Variants in ZNF431 observed in about 807,000 individuals in gnomAD.
ZNF431 encodes zinc finger protein 431.
In ZNF431, 34 loss-of-function variants were observed where a neutral mutation model predicts 57.0. The observed-to-expected ratio is 0.60, with a 90% CI of 0.45 to 0.79. The LOEUF (loss-of-function observed/expected upper bound fraction) is 0.79, where lower values mean the gene tolerates loss of function less well. Among genes scored for constraint, ZNF431 ranks in the 30% least tolerant of loss-of-function variants. The pLI, the probability that ZNF431 is intolerant of heterozygous loss-of-function variation, is 0.00. For synonymous variants in ZNF431, 207 were observed against 220.3 expected (o/e 0.94, Z 0.54); for missense variants, 607 against 667.1 (o/e 0.91, Z 0.99).
intron 2 of ZNF431, among the ~76,000 whole-genome samples, chr19:21,161,943 C>T (rs767583862): frequency 2.6e-5 from 4 of 151,862 alleles, no homozygotes; most frequent in Non-Finnish European, 4.4e-5. Flanking sequence ...CGTGAGCCAC[C>T]GCACCAAGCG....
chr19:21,162,590 C>T (rs1970606007), intron 2 of ZNF431: 1 of 385,640 alleles, frequency 2.6e-6, no homozygotes, highest in Middle Eastern at 1.4e-3. Context: ...ATAGGCATGA[C>T]CACCACACCC....
intron 4 of ZNF431, among the ~76,000 whole-genome samples, chr19:21,176,747 G>C (rs890413496): frequency 6.6e-6 from 1 of 151,698 alleles, no homozygotes; most frequent in African/African-American, 2.4e-5. Context: ...ACCCAGGCTG[G>C]AGTGCAGTGG....
chr19:21,159,326 TTATGATATATA>T (rs1306593876), intron 2 of ZNF431, among the ~76,000 whole-genome samples: 2 of 151,790 alleles, frequency 1.3e-5, no homozygotes, highest in African/African-American at 2.4e-5. Context: ...CTATATAGAA[TTATGATATATA>T]TATATAGTAT....
At position 21,142,063 on chromosome 19, in the gene ZNF431, C is replaced by CT; in HGVS notation, c.-121_-120insT. On this transcript the variant is annotated 5_prime_UTR_variant, in exon 1 of 5. Coordinates refer to ENST00000311048, the MANE Select transcript of ZNF431 (RefSeq NM_133473.4). Reference sequence around the variant, plus strand: ...TTGTCTCTCGCCGCAGCCTGAGCTCCAGGTCTCCCCTTCGCTGCTCTGTGT... The same window carrying CT: ...TTGTCTCTCGCCGCAGCCTGAGCTCCTAGGTCTCCCCTTCGCTGCTCTGTGT... 7.5e-7 allele frequency: 1 copy of CT among 1,340,578 alleles called. No individual in the cohort carries two copies. The highest frequency in any genetic ancestry group is 1.1e-6 in the Non-Finnish European group (1 of 947,164). The allele number at this position is 1,340,578 out of a possible 1,614,324, so 83.0% of individuals were successfully genotyped here. A position where few individuals can be genotyped will look rare whatever the true frequency, so the allele number is the denominator to read the frequency against.
rs775239075 is a variant in ZNF431, at chr19:21,166,468, A to T, written c.223+7A>T. ...AAAAACCTGGTCTTCTTGGGTGAGA[A>T]TAACTTTCATACACAATTCTTAATA... is the stretch of plus-strand genomic sequence containing the variant. On this transcript the variant is annotated splice_region_variant and intron_variant, in intron 3 of 4. Coordinates refer to ENST00000311048, the MANE Select transcript of ZNF431 (RefSeq NM_133473.4). 1 of 1,597,926 alleles carries T rather than the reference A, an allele frequency of 6.3e-7. No homozygotes were observed. Among genetic ancestry groups the T allele is most frequent in the African/African-American group, 1.4e-5 (1 of 73,740 alleles).
chr19:21,165,451 A>T (rs1043644325), intron 2 of ZNF431, among the ~76,000 whole-genome samples: 3 of 152,214 alleles, frequency 2.0e-5, no homozygotes, highest in Admixed American at 6.5e-5. Context: ...TGATTTTTTA[A>T]TGGTTAAATT....
chr19:21,145,348 C>T (rs977083225), intron 2 of ZNF431, among the ~76,000 whole-genome samples: 3 of 152,148 alleles, frequency 2.0e-5, no homozygotes, highest in Non-Finnish European at 2.9e-5. Context: ...TAGTGGTGGG[C>T]GCCTGTAGTC....
chr19:21,159,982 CTTT>C (rs11291342), intron 2 of ZNF431, among the ~76,000 whole-genome samples: 16 of 126,328 alleles, frequency 1.3e-4, no homozygotes, highest in Non-Finnish European at 1.5e-4. Context: ...TTGCCTCAGC[CTTT>C]TTTTTTTTTT....
intron 2 of ZNF431, among the ~76,000 whole-genome samples, chr19:21,157,951 G>T (rs1280698567): frequency 6.6e-6 from 1 of 151,552 alleles, no homozygotes. Flanking sequence ...TAGTGAGTGT[G>T]GTTTGAAGTG....
Position 21,191,913 on chromosome 19 carries a change from C to T in ZNF431, c.*7879C>T, listed in dbSNP as rs1332684055. Reference sequence around the variant, plus strand: ...TTTCTATGAAGTATATCACGTATTTCGATAGAGGTTGCATTATACCTGTAG... The same window carrying T: ...TTTCTATGAAGTATATCACGTATTTTGATAGAGGTTGCATTATACCTGTAG... On this transcript the variant is annotated 3_prime_UTR_variant, in exon 5 of 5. Coordinates refer to ENST00000311048, the MANE Select transcript of ZNF431 (RefSeq NM_133473.4). 4.6e-5 allele frequency: 7 copies of T among 152,060 alleles called. No homozygotes were observed. In the South Asian group the frequency reaches 6.2e-4, roughly 14 times the overall value. 9.4% of individuals were successfully genotyped at this position (152,060 alleles called of 1,614,324 possible). A position where few individuals can be genotyped will look rare whatever the true frequency, so the allele number is the denominator to read the frequency against.
At chr19:21,173,958 T>C (rs1452845232) in intron 4 of ZNF431, among the ~76,000 whole-genome samples, 2 of 148,416 alleles carry the variant, frequency 1.3e-5, no homozygotes, top group Non-Finnish European at 3.0e-5. Context: ...GTTTTTTTTC[T>C]TTTTTTTTTG....
chr19:21,143,724 G>A (rs1289595106), intron 2 of ZNF431, 81 bp downstream of exon 2: 7 of 996,736 alleles, frequency 7.0e-6, no homozygotes, highest in South Asian at 1.4e-5. Context: ...CAGCCAGTCC[G>A]ATGCTGGCAC....
At chr19:21,166,925 C>T (rs899642429) in intron 3 of ZNF431, among the ~76,000 whole-genome samples, 4 of 152,064 alleles carry the variant, frequency 2.6e-5, no homozygotes, top group Non-Finnish European at 4.4e-5. Flanking sequence ...TGCAATGGTG[C>T]GATCTTGGCT....
At chr19:21,163,545 G>A (rs745839409) in intron 2 of ZNF431, among the ~76,000 whole-genome samples, 4 of 152,112 alleles carry the variant, frequency 2.6e-5, no homozygotes, top group East Asian at 1.9e-4. Context: ...TTTTTGAGAC[G>A]GAGTCTCGCT....
At chr19:21,148,692 T>A (rs1336654684) in intron 2 of ZNF431, among the ~76,000 whole-genome samples, 1 of 152,128 alleles carries the variant, frequency 6.6e-6, no homozygotes, top group Non-Finnish European at 1.5e-5. Context: ...TGTAAAACTG[T>A]TTTTTAGTAG....
chr19:21,157,609 G>A (rs1970453227), intron 2 of ZNF431, among the ~76,000 whole-genome samples: 3 of 151,594 alleles, frequency 2.0e-5, no homozygotes, highest in African/African-American at 7.3e-5. Context: ...TTGGCTCACT[G>A]CAACCTCTGC....
intron 2 of ZNF431, among the ~76,000 whole-genome samples, chr19:21,159,582 A>G (rs146361787): frequency 6.6e-6 from 1 of 152,158 alleles, no homozygotes; most frequent in African/African-American, 2.4e-5. Context: ...CATGTTGGCC[A>G]GGATCGTCTT....
At chr19:21,166,731 C>G (rs1203491856) in intron 3 of ZNF431, among the ~76,000 whole-genome samples, 2 of 152,108 alleles carry the variant, frequency 1.3e-5, no homozygotes, top group African/African-American at 4.8e-5. Context: ...TATCACTGCC[C>G]ATATCTTAAA....
At position 21,183,883 on chromosome 19, in the gene ZNF431, T is replaced by A. The variant is rs371361949; in HGVS notation, c.1580T>A (p.Leu527His). The A allele has an allele frequency of 3.1e-6, 5 of 1,613,810 alleles. No homozygotes were observed. The African/African-American group carries it at 6.7e-5, about 22-fold the overall frequency. The change falls in exon 5 of 5, where the codon CTT (leucine) becomes CAT (histidine). Residue 527 changes from leucine (L) to histidine (H), a missense_variant. Transcript: ENST00000311048. ...AAAGCCTTTAACCAATCCTCAACTC[T>A]TACTAAACATAGGAAAATTCATACT... ...CGKAFNQSST[L>H]TKHRKIHTRQ... is the part of the protein sequence containing the mutation.
Sources: allele counts gnomAD v4.1 joint callset (sites outside exome capture counted in the v4.1 genomes callset), GRCh38; gene constraint gnomAD v4.1.1; transcripts MANE v1.5; gene names NCBI Gene and HGNC (gene_info 2026-07-23, HGNC 2026-07-21).